The following PRDM11 variants were observed in gnomAD, a reference collection of about 807,000 sequenced individuals.
The protein encoded by PRDM11 is PR domain-containing protein 11.
In PRDM11, 20 loss-of-function variants were observed where a neutral mutation model predicts 97.8. That is an observed-to-expected ratio of 0.20 (90% CI 0.14 to 0.30). The LOEUF (loss-of-function observed/expected upper bound fraction) is 0.30. Among genes scored for constraint, PRDM11 ranks in the 10% least tolerant of loss-of-function variants. PRDM11 has a pLI of 1.00. For synonymous variants in PRDM11, 599 were observed against 637.7 expected, an observed-to-expected ratio of 0.94 and a Z score of 0.91; for missense variants, 1,139 against 1,555.2, an observed-to-expected ratio of 0.73 and a Z score of 4.50.
chr11:45,213,353 A>G (rs1161975960), intron 5 of PRDM11: 1 of 453,366 alleles, frequency 2.2e-6, no homozygotes, highest in Non-Finnish European at 4.5e-6. Flanking sequence ...AGGGGGGCGC[A>G]ACAGTGGGGA....
intron 1 of PRDM11, among the ~76,000 whole-genome samples, chr11:45,180,519 G>A (rs1852447990): frequency 6.6e-6 from 1 of 151,790 alleles, no homozygotes; most frequent in African/African-American, 2.4e-5. Context: ...CTGACCCGGA[G>A]CGACCCCCCG....
At chr11:45,195,733 C>T (rs976654622) in intron 4 of PRDM11, among the ~76,000 whole-genome samples, 1 of 151,980 alleles carries the variant, frequency 6.6e-6, no homozygotes, top group East Asian at 1.9e-4. Context: ...ACCACTATGC[C>T]CAGCTCTTTT....
intron 1 of PRDM11, among the ~76,000 whole-genome samples, chr11:45,114,031 G>A (rs543690596): frequency 6.6e-6 from 1 of 151,952 alleles, no homozygotes; most frequent in South Asian, 2.1e-4. Context: ...TGGTTGCTCT[G>A]GCCAGGACTT....
At chr11:45,110,968 T>G (rs1441954646) in intron 1 of PRDM11, among the ~76,000 whole-genome samples, 1 of 152,084 alleles carries the variant, frequency 6.6e-6, no homozygotes, top group Non-Finnish European at 1.5e-5. Context: ...TCCACAACTA[T>G]TTTTAATAAA....
intron 1 of PRDM11, among the ~76,000 whole-genome samples, chr11:45,136,369 TCTC>T (rs1326884252): frequency 1.3e-5 from 2 of 151,970 alleles, no homozygotes; most frequent in Non-Finnish European, 2.9e-5. Context: ...TCCATCTCCT[TCTC>T]CTCTTGAAAA....
At chr11:45,205,779 G>A (rs1392026964) in intron 5 of PRDM11, among the ~76,000 whole-genome samples, 13 of 152,186 alleles carry the variant, frequency 8.5e-5, no homozygotes, top group Admixed American at 8.5e-4. Context: ...TGTGATGAGG[G>A]CTCCTGTGTC....
upstream of PRDM11, among the ~76,000 whole-genome samples, chr11:45,146,460 G>C (rs1272195720): frequency 6.6e-6 from 1 of 151,618 alleles, no homozygotes; most frequent in South Asian, 2.1e-4. Flanking sequence ...ATTATAAAAC[G>C]CTCCCTCTCC....
intron 5 of PRDM11, among the ~76,000 whole-genome samples, chr11:45,217,866 T>A (rs1046277629): frequency 6.6e-6 from 1 of 152,212 alleles, no homozygotes; most frequent in African/African-American, 2.4e-5. Context: ...ACAGTAATAG[T>A]TGCTTATTGA....
intron 1 of PRDM11, among the ~76,000 whole-genome samples, chr11:45,168,797 ATC>A (rs1852130932): frequency 6.6e-6 from 1 of 152,168 alleles, no homozygotes; most frequent in Non-Finnish European, 1.5e-5. Context: ...CCTTAGAGGA[ATC>A]TACACATCCA....
At chr11:45,107,583 G>A (rs1040911414) in intron 1 of PRDM11, among the ~76,000 whole-genome samples, 1 of 152,182 alleles carries the variant, frequency 6.6e-6, no homozygotes, top group African/African-American at 2.4e-5. Flanking sequence ...GGACTTCTGT[G>A]CCATCTGCCT....
rs144912722 is a variant in PRDM11 at position 45,182,755 on chromosome 11, G to C, written c.224-106G>C. The C allele has an allele frequency of 2.9e-4, 393 of 1,362,964 alleles. 6 individuals carry two copies. In the East Asian group the frequency reaches 9.0e-3, roughly 31 times the overall value. 84.4% of individuals were successfully genotyped at this position (1,362,964 alleles called of 1,614,324 possible). A position where few individuals can be genotyped will look rare whatever the true frequency, so the allele number is the denominator to read the frequency against. On this transcript the variant is annotated intron_variant, in intron 3 of 7. Coordinates refer to ENST00000683152, the MANE Select transcript of PRDM11 (RefSeq NM_001384648.1). ...GCTACCGATGACCCTGGGGCCTGCAGCTGGCTGTCCATGAGTGGGCCTCCT... is the reference window on the plus strand; with the variant it reads ...GCTACCGATGACCCTGGGGCCTGCACCTGGCTGTCCATGAGTGGGCCTCCT...
chr11:45,195,150 C>T (rs1853073680), intron 4 of PRDM11, among the ~76,000 whole-genome samples: 1 of 152,046 alleles, frequency 6.6e-6, no homozygotes. Flanking sequence ...AGATCGTTCC[C>T]TTCTCCTTGT....
intron 1 of PRDM11, among the ~76,000 whole-genome samples, chr11:45,165,509 C>CA (rs1191099882): frequency 1.3e-5 from 2 of 152,236 alleles, no homozygotes; most frequent in African/African-American, 2.4e-5. Flanking sequence ...GCAGGCCGCA[C>CA]ACTCAGATGC....
intron 1 of PRDM11, among the ~76,000 whole-genome samples, chr11:45,114,721 A>G (rs999812944): frequency 3.3e-5 from 5 of 152,158 alleles, no homozygotes; most frequent in Non-Finnish European, 7.4e-5. Flanking sequence ...AAAAAACCAT[A>G]TCACACATAG....
At chr11:45,135,471 T>C (rs1252069879) in intron 1 of PRDM11, among the ~76,000 whole-genome samples, 4 of 152,076 alleles carry the variant, frequency 2.6e-5, no homozygotes, top group African/African-American at 7.2e-5. Context: ...GGTCAGAATA[T>C]ACATTTATAA....
At chr11:45,190,439 C>T (rs796361988) in intron 4 of PRDM11, among the ~76,000 whole-genome samples, 10 of 151,258 alleles carry the variant, frequency 6.6e-5, no homozygotes, top group African/African-American at 1.9e-4. Context: ...TGAGCCACCG[C>T]GCCCGGCCAT....
At chr11:45,210,878 A>G (rs1240731410) in intron 5 of PRDM11, among the ~76,000 whole-genome samples, 10 of 152,288 alleles carry the variant, frequency 6.6e-5, no homozygotes, top group Non-Finnish European at 4.4e-5. Flanking sequence ...CCCCGTGATA[A>G]GAAAAAATGG....
At chr11:45,147,368 G>A (rs1851546394) in intron 1 of PRDM11, 1 of 152,110 alleles carries the variant, frequency 6.6e-6, no homozygotes, top group African/African-American at 2.4e-5. Context: ...CCTCGGCCCC[G>A]CGCCGGGGGC....
chr11:45,225,910 AC>A lies in PRDM11; in HGVS notation c.1370-83del. On this transcript the variant is annotated intron_variant, in intron 7 of 7. Transcript: ENST00000683152. ...TTCTGTTTCCCATGGTGTGGCACCT[AC>A]CTTCCAGGAGTGTTTCCTGTGGATT... The A allele has an allele frequency of 3.5e-6, 5 of 1,414,912 alleles. No individual in the cohort carries two copies. The South Asian group carries it at 7.7e-5, about 22-fold the overall frequency. 87.6% of individuals were successfully genotyped at this position (1,414,912 alleles called of 1,614,324 possible).
Sources: allele counts gnomAD v4.1 joint callset (sites outside exome capture counted in the v4.1 genomes callset), GRCh38; gene constraint gnomAD v4.1.1; transcripts MANE v1.5; gene names NCBI Gene and HGNC (gene_info 2026-07-23, HGNC 2026-07-21).